The following ZFPM1 variants were observed in gnomAD, a reference collection of about 807,000 sequenced individuals.
ZFPM1 encodes zinc finger protein ZFPM1.
A neutral mutation model predicts 46.3 loss-of-function variants in ZFPM1; 28 were observed. The ratio of observed to expected loss-of-function variants is 0.60; its 90% confidence interval spans 0.45 to 0.83. The LOEUF is 0.83. Among genes scored for constraint, ZFPM1 ranks in the 40% least tolerant of loss-of-function variants. The pLI is 0.00. For synonymous variants in ZFPM1, 957 were observed against 675.9 expected (o/e 1.42, Z -6.45); for missense variants, 1,878 against 1,432.4 (o/e 1.31, Z -5.02).
intron 4 of ZFPM1, among the ~76,000 whole-genome samples, 167 bp downstream of exon 4, chr16:88,514,687 C>A (rs1011675494): frequency 1.3e-5 from 2 of 152,146 alleles, no homozygotes; most frequent in Non-Finnish European, 2.9e-5. Flanking sequence ...TGCCTTGGGG[C>A]CCAGGGAGGG....
At chr16:88,454,565 G>A (rs539497919) in intron 1 of ZFPM1, among the ~76,000 whole-genome samples, 13 of 152,236 alleles carry the variant, frequency 8.5e-5, no homozygotes, top group Non-Finnish European at 1.6e-4. Context: ...CCGGCTCCCT[G>A]CCCGGTCAGA....
intron 6 of ZFPM1, among the ~76,000 whole-genome samples, chr16:88,528,586 C>T (rs78978092): frequency 0.019 from 2,915 of 152,316 alleles, 92 homozygotes; most frequent in African/African-American, 0.067. Flanking sequence ...ACCCTCACCT[C>T]GGCCCTCCTG....
rs764240451 is a variant in ZFPM1 at position 88,534,326 on chromosome 16, G to A, written c.2368G>A (p.Ala790Thr). Residue 790 changes from alanine (A) to threonine (T), a missense_variant, in exon 10 of 10, where the codon GCG becomes ACG. Ala to Thr is a moderately conservative substitution (Grantham distance 58, BLOSUM62 0). Coordinates refer to ENST00000319555, the MANE Select transcript of ZFPM1 (RefSeq NM_153813.3). ...CGCCCCTGCGCGCTCGCCCGGCCCC[G>A]CGGCCGACGGCCCCATCGACCTGAG... ...GLAPARSPGP[A>T]ADGPIDLSKK... is the part of the protein sequence containing the mutation. 37 of 1,338,178 alleles carry A rather than the reference G, an allele frequency of 2.8e-5. No homozygotes were observed. The highest frequency in any genetic ancestry group is 1.1e-4 in the Admixed American group (3 of 28,148). 82.9% of individuals were successfully genotyped at this position (1,338,178 alleles called of 1,614,324 possible). A position where few individuals can be genotyped will look rare whatever the true frequency, so the allele number is the denominator to read the frequency against.
In ZFPM1 at chr16:88,533,660, G is replaced by C. The variant is rs756982361; in HGVS notation, c.1702G>C (p.Gly568Arg). 2.7e-6 allele frequency: 4 copies of C among 1,478,724 alleles called. No homozygotes were observed. The highest frequency in any genetic ancestry group is 2.9e-5 in the East Asian group (1 of 34,782). The allele number at this position is 1,478,724 out of a possible 1,614,324, so 91.6% of individuals were successfully genotyped here. A position where few individuals can be genotyped will look rare whatever the true frequency, so the allele number is the denominator to read the frequency against. Residue 568 changes from glycine to arginine, a missense_variant, in exon 10 of 10, where the codon GGG (glycine) becomes CGG (arginine). Physicochemically the swap from Gly to Arg is moderately radical, Grantham distance 125. Transcript: ENST00000319555. ...CGCGGGCGCCGGCGGCGCGCAGACCGGGCTCTTCCCCGGGGCCCCCAAGGG... is the reference window on the plus strand; with the variant it reads ...CGCGGGCGCCGGCGGCGCGCAGACCCGGCTCTTCCCCGGGGCCCCCAAGGG... ...AGAGAGGAQT[G>R]LFPGAPKGAT...
At chr16:88,524,772 G>C (rs9673995) in intron 4 of ZFPM1, among the ~76,000 whole-genome samples, 1 of 152,170 alleles carries the variant, frequency 6.6e-6, no homozygotes, top group African/African-American at 2.4e-5. Context: ...GGTGGGCTTC[G>C]GGTGGGTCCA....
In ZFPM1 at chr16:88,480,075, G is replaced by C. The variant is rs1165836278; in HGVS notation, c.41-5864G>C. Among the ~76,000 whole-genome samples, 1 of 151,956 alleles carries C rather than the reference G, an allele frequency of 6.6e-6. No homozygotes were observed. Among genetic ancestry groups the C allele is most frequent in the Non-Finnish European group, 1.5e-5 (1 of 68,008 alleles). On this transcript the variant is annotated intron_variant, in intron 1 of 9. Transcript: ENST00000319555. The surrounding 1 kb of genome is among the most constrained non-coding windows in gnomAD (Gnocchi z 4.9). ...AGACAGTTTGATCCGCTGAAACCAG[G>C]CTCAGGGAGAAGCCGCCTGCCCTGT...
Position 88,533,994 on chromosome 16 carries a change from A to T in ZFPM1, c.2036A>T (p.Asp679Val). Residue 679 changes from aspartate (D) to valine (V), a missense_variant, in exon 10 of 10, where the codon GAC (aspartate) becomes GTC (valine). By Grantham distance (152) the Asp-to-Val change is radical. Coordinates refer to ENST00000319555, the MANE Select transcript of ZFPM1 (RefSeq NM_153813.3). Reference sequence around the variant, plus strand: ...AGCTCCGTGGACGACGCGGAGGACGACCCCAGCCGCACGCTGTGCGAGGCC... The same window carrying T: ...AGCTCCGTGGACGACGCGGAGGACGTCCCCAGCCGCACGCTGTGCGAGGCC... ...PGSSVDDAED[D>V]PSRTLCEACN... The T allele has an allele frequency of 7.4e-7, 1 of 1,352,492 alleles. No homozygotes were observed. Among genetic ancestry groups the T allele is most frequent in the Non-Finnish European group, 9.6e-7 (1 of 1,036,998 alleles). The allele number at this position is 1,352,492 out of a possible 1,614,324, so 83.8% of individuals were successfully genotyped here.
chr16:88,482,417 C>T (rs1908987947), intron 1 of ZFPM1, among the ~76,000 whole-genome samples: 4 of 152,174 alleles, frequency 2.6e-5, no homozygotes, highest in South Asian at 2.1e-4. Flanking sequence ...TTATCAGAGC[C>T]GTTTTAATTG....
intron 4 of ZFPM1, among the ~76,000 whole-genome samples, chr16:88,517,232 G>A (rs1251742686): frequency 4.1e-5 from 5 of 122,358 alleles, no homozygotes. Context: ...ATGGATGGGT[G>A]GGTGGGTGGG....
intron 2 of ZFPM1, among the ~76,000 whole-genome samples, chr16:88,488,142 C>G (rs1909340989): frequency 6.6e-6 from 1 of 152,226 alleles, no homozygotes; most frequent in South Asian, 2.1e-4. Flanking sequence ...CCGCCGCCAG[C>G]CTTAGTGCCG....
rs1908324029 is a variant in ZFPM1, at chr16:88,469,691, A to G, written c.40+16013A>G. On this transcript the variant is annotated intron_variant, in intron 1 of 9. Transcript: ENST00000319555. This position sits in a 1 kb window ranked among gnomAD's most constrained non-coding sequence, Gnocchi z 4.3. Reference sequence around the variant, plus strand: ...TGGAGGCCCTGTCAGCTCCCACGGCACCTGAAAATCAGCCACAGGTGTGGG... The same window carrying G: ...TGGAGGCCCTGTCAGCTCCCACGGCGCCTGAAAATCAGCCACAGGTGTGGG... 6.6e-6 allele frequency among the ~76,000 whole-genome samples: 1 copy of G among 152,182 alleles called. No homozygotes were observed. The highest frequency in any genetic ancestry group is 1.9e-4 in the East Asian group (1 of 5,184).
chr16:88,483,450 G>A (rs1339458808), intron 1 of ZFPM1, among the ~76,000 whole-genome samples: 8 of 152,168 alleles, frequency 5.3e-5, no homozygotes, highest in Non-Finnish European at 1.2e-4. Flanking sequence ...CCGCCCCAGG[G>A]CCTTTGCACA....
At position 88,526,799 on chromosome 16, in the gene ZFPM1, A is replaced by ACC. The variant is rs772702995; in HGVS notation, c.403-13_403-12dup. 7.5e-6 allele frequency: 9 copies of ACC among 1,196,644 alleles called. No individual in the cohort carries two copies. Among genetic ancestry groups the ACC allele is most frequent in the South Asian group, 5.1e-5 (3 of 58,838 alleles). 74.1% of individuals were successfully genotyped at this position (1,196,644 alleles called of 1,614,324 possible). On this transcript the variant is annotated splice_polypyrimidine_tract_variant and intron_variant, in intron 4 of 9. Coordinates refer to ENST00000319555, the MANE Select transcript of ZFPM1 (RefSeq NM_153813.3). ...GACGGACCCCTCCCCACGTGTTCCT[A>ACC]CCCTCCCCCCCCAGAGCCCAGCCCT...
In ZFPM1 at chr16:88,533,786, C is replaced by T; in HGVS notation, c.1828C>T (p.Pro610Ser). 7.5e-7 allele frequency: 1 copy of T among 1,328,310 alleles called. No homozygotes were observed. Among genetic ancestry groups the T allele is most frequent in the Non-Finnish European group, 9.8e-7 (1 of 1,023,368 alleles). 82.3% of individuals were successfully genotyped at this position (1,328,310 alleles called of 1,614,324 possible). A position where few individuals can be genotyped will look rare whatever the true frequency, so the allele number is the denominator to read the frequency against. The change falls in exon 10 of 10, where the codon CCT becomes TCT. Residue 610 changes from proline to serine, a missense_variant. Coordinates refer to ENST00000319555, the MANE Select transcript of ZFPM1 (RefSeq NM_153813.3). The stretch of plus-strand genomic sequence containing the variant: ...AGGCCGCCGTGCGCCCGAGGACGCG[C>T]CTGCCGCGCGCAGGCCCAAGGCGCC... ...CSGRRAPEDA[P>S]AARRPKAPPG...
At chr16:88,455,700 G>C (rs1187743129) in intron 1 of ZFPM1, among the ~76,000 whole-genome samples, 1 of 152,132 alleles carries the variant, frequency 6.6e-6, no homozygotes, top group African/African-American at 2.4e-5. Context: ...TCCGTGCGGA[G>C]ATAGATGTGC....
At chr16:88,504,774 C>T (rs1910558782) in intron 3 of ZFPM1, among the ~76,000 whole-genome samples, 1 of 152,226 alleles carries the variant, frequency 6.6e-6, no homozygotes, top group South Asian at 2.1e-4. Context: ...CAGGCAAGAC[C>T]TGGCTCCGAG....
In ZFPM1 at chr16:88,535,015, C is replaced by T. The variant is rs374392709; in HGVS notation, c.*36C>T. The T allele has an allele frequency of 1.2e-4, 157 of 1,356,700 alleles. 1 individual carries two copies. The African/African-American group carries it at 1.4e-3, about 12-fold the overall frequency. 84.0% of individuals were successfully genotyped at this position (1,356,700 alleles called of 1,614,324 possible). A position where few individuals can be genotyped will look rare whatever the true frequency, so the allele number is the denominator to read the frequency against. ...TACAGCCGCAGACGCTTTGCACGCC[C>T]CGCTGCGATGCGGGGAGGGGGCCGC... On this transcript the variant is annotated 3_prime_UTR_variant, in exon 10 of 10. Transcript: ENST00000319555.
intron 3 of ZFPM1, among the ~76,000 whole-genome samples, chr16:88,503,019 C>T (rs1331083409): frequency 1.3e-5 from 2 of 152,262 alleles, no homozygotes; most frequent in Non-Finnish European, 2.9e-5. Context: ...TGTGCGGTCT[C>T]TTCGGCAGGT....
Position 88,534,365 on chromosome 16 carries a change from C to A in ZFPM1, c.2407C>A (p.Arg803Ser). 1 of 1,430,306 alleles carries A rather than the reference C, an allele frequency of 7.0e-7. No homozygotes were observed. The highest frequency in any genetic ancestry group is 9.1e-7 in the Non-Finnish European group (1 of 1,096,242). The allele number at this position is 1,430,306 out of a possible 1,614,324, so 88.6% of individuals were successfully genotyped here. A position where few individuals can be genotyped will look rare whatever the true frequency, so the allele number is the denominator to read the frequency against. ...CATCGACCTGAGCAAGAAGCCGCGGCGCCCGCTCCCCGGAGCCCCGGCACC... is the reference window on the plus strand; with the variant it reads ...CATCGACCTGAGCAAGAAGCCGCGGAGCCCGCTCCCCGGAGCCCCGGCACC... ...GPIDLSKKPR[R>S]PLPGAPAPAL... The change falls in exon 10 of 10, where the codon CGC (arginine) becomes AGC (serine). Residue 803 changes from arginine to serine, a missense_variant. Coordinates refer to ENST00000319555, the MANE Select transcript of ZFPM1 (RefSeq NM_153813.3).
Sources: allele counts gnomAD v4.1 joint callset (sites outside exome capture counted in the v4.1 genomes callset), GRCh38; gene constraint gnomAD v4.1.1; non-coding constraint Gnocchi (gnomAD v3.1); transcripts MANE v1.5; gene names NCBI Gene and HGNC (gene_info 2026-07-23, HGNC 2026-07-21).